The following IFNAR2 variants were observed in gnomAD, a reference collection of about 807,000 sequenced individuals.
The protein encoded by IFNAR2 is interferon alpha and beta receptor subunit 2.
Under a neutral mutation model 49.4 loss-of-function variants are expected in IFNAR2, and 30 were observed. The observed-to-expected ratio is 0.61, with a 90% CI of 0.45 to 0.82. The LOEUF (loss-of-function observed/expected upper bound fraction) is 0.82. IFNAR2 is among the 40% of genes least tolerant of loss of function. The pLI, the probability that IFNAR2 is intolerant of heterozygous loss-of-function variation, is 0.00. For synonymous variants in IFNAR2, 224 were observed against 234.5 expected, an observed-to-expected ratio of 0.96 and a Z score of 0.41; for missense variants, 600 against 622.7, an observed-to-expected ratio of 0.96 and a Z score of 0.39.
chr21:33,259,024 C>T (rs1307735946), intron 7 of IFNAR2, among the ~76,000 whole-genome samples: 1 of 152,012 alleles, frequency 6.6e-6, no homozygotes, highest in Non-Finnish European at 1.5e-5. Flanking sequence ...TTAGTCATCG[C>T]CAGTCTTTTC....
At chr21:33,236,306 C>G (rs994091705) in intron 1 of IFNAR2, among the ~76,000 whole-genome samples, 1 of 152,130 alleles carries the variant, frequency 6.6e-6, no homozygotes, top group Admixed American at 6.5e-5. Context: ...CTAGGCATCC[C>G]CCTCCTGCTA....
rs973165486 is a variant in IFNAR2, at chr21:33,260,663, G to A, written c.776G>A (p.Ser259Asn). The change falls in exon 8 of 9, where the codon AGC becomes AAC. Residue 259 changes from serine (S) to asparagine (N), a missense_variant. Ser to Asn is a conservative substitution (Grantham distance 46, BLOSUM62 1). Transcript: ENST00000342136. Reference sequence around the variant, plus strand: ...TTTTTGATAGCATTGGTCTTGACAAGCACCATAGTGACACTGAAATGGATT... The same window carrying A: ...TTTTTGATAGCATTGGTCTTGACAAACACCATAGTGACACTGAAATGGATT... ...TVFLIALVLT[S>N]TIVTLKWIGY... 1.2e-6 allele frequency: 2 copies of A among 1,603,656 alleles called. No individual in the cohort carries two copies. The highest frequency in any genetic ancestry group is 1.7e-6 in the Non-Finnish European group (2 of 1,177,686).
At chr21:33,241,715 T>G in intron 1 of IFNAR2, 125 bp from the exon 2 acceptor site, 1 of 538,586 alleles carries the variant, frequency 1.9e-6, no homozygotes, top group Non-Finnish European at 3.0e-6. Flanking sequence ...CCAGACTAGG[T>G]AGGGGATTGG....
At chr21:33,239,278 A>C (rs188050169) in intron 1 of IFNAR2, among the ~76,000 whole-genome samples, 1 of 152,292 alleles carries the variant, frequency 6.6e-6, no homozygotes, top group East Asian at 1.9e-4. Context: ...AAATAAGAGA[A>C]GGAAGGGACA....
intron 1 of IFNAR2, among the ~76,000 whole-genome samples, chr21:33,231,253 A>AATCT (rs1367838452): frequency 6.6e-6 from 1 of 152,068 alleles, no homozygotes; most frequent in African/African-American, 2.4e-5. Context: ...ACTCTATCAA[A>AATCT]ATCTACCCTA....
chr21:33,262,489 GTTA>G (rs1988672767), intron 8 of IFNAR2: 2 of 664,724 alleles, frequency 3.0e-6, no homozygotes, highest in South Asian at 1.6e-5. Flanking sequence ...ACTGTTAGCT[GTTA>G]TTATTGCTGT....
Position 33,245,035 on chromosome 21 carries a change from T to G in IFNAR2, c.182T>G (p.Ile61Ser), listed in dbSNP as rs1320481549. The change falls in exon 4 of 9, where the codon ATT (isoleucine) becomes AGT (serine). Residue 61 changes from isoleucine to serine, a missense_variant. By Grantham distance (142) the Ile-to-Ser change is moderately radical. Coordinates refer to ENST00000342136, the MANE Select transcript of IFNAR2 (RefSeq NM_001289125.3). Reference protein sequence around the residue: ...ILSWELKNHSIVPTHYTLLYT... With the variant: ...ILSWELKNHSSVPTHYTLLYT... ...TCATGGGAATTAAAAAACCACTCCA[T>G]TGTACCAACTCACTATACATTGCTG... 5 of 1,611,008 alleles carry G rather than the reference T, an allele frequency of 3.1e-6. No homozygotes were observed. Among genetic ancestry groups the G allele is most frequent in the Non-Finnish European group, 4.2e-6 (5 of 1,177,160 alleles).
chr21:33,254,670 C>G (rs1018613107), intron 7 of IFNAR2, among the ~76,000 whole-genome samples: 2 of 152,150 alleles, frequency 1.3e-5, no homozygotes, highest in Non-Finnish European at 2.9e-5. Flanking sequence ...TTTATTAATT[C>G]CAAGTTTTTA....
chr21:33,246,666 C>T (rs1221798580), intron 4 of IFNAR2, 52 bp from the exon 5 acceptor site: 12 of 1,456,720 alleles, frequency 8.2e-6, no homozygotes, highest in Non-Finnish European at 1.0e-5. Context: ...AAAATAGACT[C>T]TCATTACATC....
At chr21:33,233,946 C>T (rs975666951) in intron 1 of IFNAR2, among the ~76,000 whole-genome samples, 71 of 150,732 alleles carry the variant, frequency 4.7e-4, no homozygotes, top group African/African-American at 1.7e-3. Context: ...TGGAAGGAAA[C>T]ATGAGAATAC....
chr21:33,252,508 A>C, intron 6 of IFNAR2, 154 bp from the exon 7 acceptor site: 1 of 985,266 alleles, frequency 1.0e-6, no homozygotes, highest in Non-Finnish European at 1.2e-6. Context: ...TTTCTGATAA[A>C]TTACTTGCTC....
chr21:33,255,510 A>G (rs1156399344), intron 7 of IFNAR2, among the ~76,000 whole-genome samples: 1 of 152,180 alleles, frequency 6.6e-6, no homozygotes, highest in Admixed American at 6.5e-5. Flanking sequence ...TTTTATTATA[A>G]AGGAATTGAT....
intron 3 of IFNAR2, 168 bp from the exon 4 acceptor site, chr21:33,244,783 T>G (rs948046140): frequency 6.1e-6 from 1 of 164,312 alleles, no homozygotes; most frequent in East Asian, 1.9e-4. Context: ...ATTGACTTAC[T>G]AATTTATTTC....
At chr21:33,231,708 TATCA>T (rs751133300) in intron 1 of IFNAR2, 81 of 983,642 alleles carry the variant, frequency 8.2e-5, no homozygotes, top group African/African-American at 1.7e-5. Context: ...CATCTTCCGT[TATCA>T]ATCATCATGT....
intron 3 of IFNAR2, among the ~76,000 whole-genome samples, chr21:33,244,470 G>C (rs2123476701): frequency 6.6e-6 from 1 of 152,314 alleles, no homozygotes; most frequent in Middle Eastern, 3.4e-3. Flanking sequence ...CTGTGATCCA[G>C]GGAATAAGTG....
intron 1 of IFNAR2, among the ~76,000 whole-genome samples, chr21:33,234,183 CTGTGTGTGTGTGTGTGTG>C (rs61686449): frequency 2.8e-5 from 4 of 140,800 alleles, no homozygotes; most frequent in African/African-American, 5.3e-5. Flanking sequence ...AACAGAAACA[CTGTGTGTGTGTGTGTGTG>C]TGTGTGTGTG....
rs1988875934 is a variant in IFNAR2, at chr21:33,265,021, G to C, written c.*1521G>C. 1.3e-5 allele frequency: 2 copies of C among 152,224 alleles called. No homozygotes were observed. Among genetic ancestry groups the C allele is most frequent in the African/African-American group, 4.8e-5 (2 of 41,432 alleles). 9.4% of individuals were successfully genotyped at this position (152,224 alleles called of 1,614,324 possible). A position where few individuals can be genotyped will look rare whatever the true frequency, so the allele number is the denominator to read the frequency against. On this transcript the variant is annotated 3_prime_UTR_variant, in exon 9 of 9. Coordinates refer to ENST00000342136, the MANE Select transcript of IFNAR2 (RefSeq NM_001289125.3). ...AGGGAGTTGGTGGGGAGAGGTTCTA[G>C]AATGTCATGTAGCAACCAGTTTAAG...
At chr21:33,231,213 C>T (rs1986039154) in intron 1 of IFNAR2, among the ~76,000 whole-genome samples, 1 of 152,106 alleles carries the variant, frequency 6.6e-6, no homozygotes, top group Non-Finnish European at 1.5e-5. Flanking sequence ...TCCACCTGTG[C>T]AGGCTTGAGG....
At chr21:33,261,441 C>T (rs571363589) in intron 8 of IFNAR2, among the ~76,000 whole-genome samples, 1 of 152,258 alleles carries the variant, frequency 6.6e-6, no homozygotes, top group Non-Finnish European at 1.5e-5. Context: ...CATTTCTCAG[C>T]TAAAGGGCAT....
Sources: gnomAD v4.1 joint callset for allele counts (sites outside exome capture counted in the v4.1 genomes callset) on GRCh38, gnomAD v4.1.1 for gene constraint, MANE v1.5 for transcripts, NCBI Gene and HGNC (gene_info 2026-07-23, HGNC 2026-07-21) for gene names.